IGF1R: variants seen among roughly 807,000 people sequenced by gnomAD.
IGF1R encodes insulin like growth factor 1 receptor, also known as insulin-like growth factor 1 receptor.
A neutral mutation model predicts 144.6 loss-of-function variants in IGF1R; 44 were observed. The observed-to-expected ratio is 0.30, with a 90% confidence interval of 0.24 to 0.39. The LOEUF (loss-of-function observed/expected upper bound fraction) is 0.39. Ranked by LOEUF, IGF1R falls within the 10% of genes least tolerant of loss-of-function variation. The probability of loss-of-function intolerance (pLI) is 1.00; values close to 1 mark genes in which losing one functional copy is unlikely to be tolerated. For missense variants in IGF1R, 1,355 were observed against 1,833.7 expected (o/e 0.74, Z 4.77); for synonymous variants, 795 against 722.8 (o/e 1.10, Z -1.60).
chr15:98,670,335 T>TG (rs2052856083), intron 1 of IGF1R, among the ~76,000 whole-genome samples: 1 of 151,954 alleles, frequency 6.6e-6, no homozygotes, highest in Admixed American at 6.6e-5. Context: ...CTAGACTTGA[T>TG]GGGGTGGTCT....
chr15:98,746,113 GCTT>G (rs2054858749), intron 2 of IGF1R, among the ~76,000 whole-genome samples: 1 of 152,172 alleles, frequency 6.6e-6, no homozygotes, highest in Non-Finnish European at 1.5e-5. Context: ...GGCAAGGCAG[GCTT>G]CTTTTTTGTA....
At chr15:98,827,531 G>T (rs1596336466) in intron 2 of IGF1R, among the ~76,000 whole-genome samples, 1 of 152,136 alleles carries the variant, frequency 6.6e-6, no homozygotes, top group Non-Finnish European at 1.5e-5. Context: ...CTATGAATTG[G>T]TTTAAAAGGC....
chr15:98,793,413 G>A (rs2056169881), intron 2 of IGF1R, among the ~76,000 whole-genome samples: 1 of 152,222 alleles, frequency 6.6e-6, no homozygotes, highest in Non-Finnish European at 1.5e-5. Context: ...GTAATCAGAT[G>A]TTCCTGTTAC....
intron 2 of IGF1R, among the ~76,000 whole-genome samples, chr15:98,719,889 TACTC>T (rs1414373970): frequency 6.6e-6 from 1 of 152,214 alleles, no homozygotes; most frequent in Non-Finnish European, 1.5e-5. Flanking sequence ...TTCTTGGAAA[TACTC>T]AGTGTAGAAT....
At chr15:98,681,069 G>A (rs2053177075) in intron 1 of IGF1R, among the ~76,000 whole-genome samples, 1 of 152,048 alleles carries the variant, frequency 6.6e-6, no homozygotes, top group African/African-American at 2.4e-5. Context: ...ATACCATTGA[G>A]GTGTAAGTAT....
chr15:98,718,174 G>A (rs978967059), intron 2 of IGF1R, among the ~76,000 whole-genome samples: 2 of 152,168 alleles, frequency 1.3e-5, no homozygotes, highest in Non-Finnish European at 2.9e-5. Context: ...GCCCGAAGCC[G>A]GGCTTCTGTT....
chr15:98,792,835 T>G (rs892552298), intron 2 of IGF1R, among the ~76,000 whole-genome samples: 1 of 152,216 alleles, frequency 6.6e-6, no homozygotes, highest in Non-Finnish European at 1.5e-5. Flanking sequence ...TAAGAGTTGA[T>G]ATTTTGCCAG....
intron 2 of IGF1R, among the ~76,000 whole-genome samples, chr15:98,709,812 C>G (rs1320600111): frequency 6.6e-6 from 1 of 152,056 alleles, no homozygotes; most frequent in East Asian, 1.9e-4. Flanking sequence ...CTCATAAGCT[C>G]TTTAGAGAAG....
chr15:98,701,478 A>G (rs948312533), intron 1 of IGF1R, among the ~76,000 whole-genome samples: 4 of 151,810 alleles, frequency 2.6e-5, no homozygotes, highest in African/African-American at 9.7e-5. Flanking sequence ...CTGGGACTAC[A>G]GGTGCCCGCC....
Position 98,964,526 on chromosome 15 carries a change from A to G in IGF1R, c.*7084A>G. 4.9e-6 allele frequency: 1 copy of G among 204,584 alleles called. No individual in the cohort carries two copies. Among genetic ancestry groups the G allele is most frequent in the Non-Finnish European group, 1.0e-5 (1 of 100,094 alleles). 12.7% of individuals were successfully genotyped at this position (204,584 alleles called of 1,614,324 possible). A position where few individuals can be genotyped will look rare whatever the true frequency, so the allele number is the denominator to read the frequency against. ...TTTAAGTTAAATAAAATAATTCTGTATGCATTTCTGTCTCTGGTTTGGTTT... is the reference window on the plus strand; with the variant it reads ...TTTAAGTTAAATAAAATAATTCTGTGTGCATTTCTGTCTCTGGTTTGGTTT... On this transcript the variant is annotated 3_prime_UTR_variant, in exon 21 of 21. Transcript: ENST00000650285.
intron 2 of IGF1R, among the ~76,000 whole-genome samples, chr15:98,753,230 C>T (rs1309197048): frequency 6.9e-6 from 1 of 143,952 alleles, no homozygotes; most frequent in African/African-American, 2.6e-5. Context: ...TACGTCCAGC[C>T]TTTTTTTTTT....
rs781737398 is a variant in IGF1R, at chr15:98,878,348, C to T, written c.641-12977C>T. On this transcript the variant is annotated intron_variant, in intron 2 of 20. Transcript: ENST00000650285. Reference sequence around the variant, plus strand: ...CAGAGAATGGAAATAGGGCTGTAAGCATGAACAACCAGTCAAGTTACAAAT... The same window carrying T: ...CAGAGAATGGAAATAGGGCTGTAAGTATGAACAACCAGTCAAGTTACAAAT... Among the ~76,000 whole-genome samples the T allele has an allele frequency of 3.3e-5, 5 of 152,206 alleles. No homozygotes were observed. In the South Asian group the frequency reaches 1.0e-3, roughly 31 times the overall value.
intron 2 of IGF1R, among the ~76,000 whole-genome samples, chr15:98,760,436 T>C (rs1008645802): frequency 6.6e-6 from 1 of 152,246 alleles, no homozygotes; most frequent in African/African-American, 2.4e-5. Context: ...GAAAACTGAA[T>C]GCAAAATCTT....
At chr15:98,678,075 G>A (rs1340317221) in intron 1 of IGF1R, among the ~76,000 whole-genome samples, 1 of 152,152 alleles carries the variant, frequency 6.6e-6, no homozygotes, top group Non-Finnish European at 1.5e-5. Context: ...GTTTTCTTGG[G>A]TGATTTATTA....
At chr15:98,916,979 T>C in intron 10 of IGF1R, 103 bp downstream of exon 10, 1 of 945,296 alleles carries the variant, frequency 1.1e-6, no homozygotes, top group Non-Finnish European at 1.7e-6. Context: ...AGCTGGGGGG[T>C]ACAATACAGT....
intron 2 of IGF1R, among the ~76,000 whole-genome samples, chr15:98,832,082 T>G (rs2057011760): frequency 6.6e-6 from 1 of 152,168 alleles, no homozygotes; most frequent in Non-Finnish European, 1.5e-5. Flanking sequence ...TTCCTCTGCT[T>G]CTTGGGTCTG....
At chr15:98,939,571 G>C (rs1456658276) in intron 18 of IGF1R, among the ~76,000 whole-genome samples, 1 of 152,208 alleles carries the variant, frequency 6.6e-6, no homozygotes, top group Non-Finnish European at 1.5e-5. Context: ...TGGTGGTTCA[G>C]ATACTGGGCA....
chr15:98,760,669 A>G (rs2055273313), intron 2 of IGF1R, among the ~76,000 whole-genome samples: 2 of 152,106 alleles, frequency 1.3e-5, no homozygotes, highest in African/African-American at 2.4e-5. Context: ...CGGGCAGGAG[A>G]AGGAGGCCAG....
chr15:98,787,426 C>T (rs961401911), intron 2 of IGF1R, among the ~76,000 whole-genome samples: 2 of 152,154 alleles, frequency 1.3e-5, no homozygotes, highest in East Asian at 1.9e-4. Flanking sequence ...ATCCTGAAGG[C>T]GTTGGAGCGT....
Sources: allele counts gnomAD v4.1 joint callset (sites outside exome capture counted in the v4.1 genomes callset), GRCh38; gene constraint gnomAD v4.1.1; transcripts MANE v1.5; gene names NCBI Gene and HGNC (gene_info 2026-07-23, HGNC 2026-07-21).